DPYSL2: variants seen among roughly 807,000 people sequenced by gnomAD.
DPYSL2 encodes dihydropyrimidinase like 2.
In DPYSL2, 13 loss-of-function variants were observed where a neutral mutation model predicts 69.9. The ratio of observed to expected loss-of-function variants is 0.19; its 90% confidence interval spans 0.12 to 0.30. The LOEUF (loss-of-function observed/expected upper bound fraction) is 0.30. Among genes scored for constraint, DPYSL2 ranks in the 10% least tolerant of loss-of-function variants. The pLI, the probability that DPYSL2 is intolerant of heterozygous loss-of-function variation, is 1.00. For synonymous variants in DPYSL2, 326 were observed against 359.1 expected (o/e 0.91, Z 1.04); for missense variants, 587 against 918.9 (o/e 0.64, Z 4.67).
At chr8:26,608,610 C>G (rs754041777) in intron 3 of DPYSL2, among the ~76,000 whole-genome samples, 1 of 152,174 alleles carries the variant, frequency 6.6e-6, no homozygotes, top group Non-Finnish European at 1.5e-5. Flanking sequence ...ATTAAAAGCT[C>G]CCTGAACAAC....
rs1456223867 is a variant in DPYSL2 at position 26,620,598 on chromosome 8, T to C, written c.629-3545T>C. 6.6e-6 allele frequency among the ~76,000 whole-genome samples: 1 copy of C among 152,166 alleles called. No individual in the cohort carries two copies. Among genetic ancestry groups the C allele is most frequent in the African/African-American group, 2.4e-5 (1 of 41,440 alleles). ...CCCAGGAACAGAACCTGGTATTGTC[T>C]CTCTGTAAAGTATGAGTGAATTTAA... On this transcript the variant is annotated intron_variant, in intron 3 of 13. Coordinates refer to ENST00000521913, the MANE Select transcript of DPYSL2 (RefSeq NM_001197293.3). This position sits in a 1 kb window ranked among gnomAD's most constrained non-coding sequence, Gnocchi z 4.5.
chr8:26,528,471 A>G (rs186590428), intron 1 of DPYSL2, among the ~76,000 whole-genome samples: 20 of 152,014 alleles, frequency 1.3e-4, no homozygotes, highest in South Asian at 4.2e-4. Context: ...ACATGGTGAA[A>G]CCCCATCTCT....
chr8:26,594,430 C>T (rs950168853), intron 3 of DPYSL2, among the ~76,000 whole-genome samples: 18 of 152,030 alleles, frequency 1.2e-4, no homozygotes, highest in Admixed American at 5.2e-4. Flanking sequence ...CAGAAGCTTA[C>T]GAAATGATCG....
intron 1 of DPYSL2, among the ~76,000 whole-genome samples, chr8:26,554,964 C>T (rs562206818): frequency 6.6e-6 from 1 of 152,228 alleles, no homozygotes; most frequent in East Asian, 1.9e-4. Context: ...AGTGGTTCAA[C>T]ATTCAAAATC....
chr8:26,524,634 C>T (rs1352671434), intron 1 of DPYSL2, among the ~76,000 whole-genome samples: 1 of 151,604 alleles, frequency 6.6e-6, no homozygotes, highest in Non-Finnish European at 1.5e-5. Context: ...CCCGTCTCTA[C>T]TAAACATACA....
rs533898670 is a variant in DPYSL2, at chr8:26,640,854, C to T, written c.1127-2585C>T. ...AGCTGTGGCCCAGAAGTCCACTCAGCCTTTGTCTAAAGAGGCAGGTTCTGC... is the reference window on the plus strand; with the variant it reads ...AGCTGTGGCCCAGAAGTCCACTCAGTCTTTGTCTAAAGAGGCAGGTTCTGC... On this transcript the variant is annotated intron_variant, in intron 8 of 13. Coordinates refer to ENST00000521913, the MANE Select transcript of DPYSL2 (RefSeq NM_001197293.3). This position sits in a 1 kb window ranked among gnomAD's most constrained non-coding sequence, Gnocchi z 4.2. 2.0e-4 allele frequency among the ~76,000 whole-genome samples: 31 copies of T among 152,306 alleles called. No homozygotes were observed. In the South Asian group the frequency reaches 3.7e-3, roughly 18 times the overall value.
chr8:26,587,384 C>T lies in DPYSL2; in HGVS notation c.628+3401C>T, dbSNP rs1227260657. On this transcript the variant is annotated intron_variant, in intron 3 of 13. Transcript: ENST00000521913. The surrounding 1 kb of genome is among the most constrained non-coding windows in gnomAD (Gnocchi z 4.2). The stretch of plus-strand genomic sequence containing the variant: ...CCACCCCGCCCCTGGGCACTCCACC[C>T]TCCTGGCTTTCTGGCCTTCTCCAGA... 2.6e-5 allele frequency among the ~76,000 whole-genome samples: 4 copies of T among 152,196 alleles called. No homozygotes were observed. The highest frequency in any genetic ancestry group is 5.9e-5 in the Non-Finnish European group (4 of 68,038).
chr8:26,571,352 A>T lies in DPYSL2; in HGVS notation c.355-10617A>T, dbSNP rs1184383942. Among the ~76,000 whole-genome samples the T allele has an allele frequency of 6.6e-6, 1 of 152,278 alleles. No homozygotes were observed. Among genetic ancestry groups the T allele is most frequent in the African/African-American group, 2.4e-5 (1 of 41,564 alleles). ...ACACCAACGGAAACAAGTGATCTCC[A>T]AGGCCCTGCCCTGGCTTGGAGACCA... On this transcript the variant is annotated intron_variant, in intron 1 of 13. Coordinates refer to ENST00000521913, the MANE Select transcript of DPYSL2 (RefSeq NM_001197293.3). This position sits in a 1 kb window ranked among gnomAD's most constrained non-coding sequence, Gnocchi z 6.1.
chr8:26,642,074 T>G lies in DPYSL2; in HGVS notation c.1127-1365T>G, dbSNP rs960361982. ...TGTGGGGTGGGAGTTAGCCCTGTGC[T>G]GGGGGGAGCTAGTGAGAGATGAATT... On this transcript the variant is annotated intron_variant, in intron 8 of 13. Transcript: ENST00000521913. This position sits in a 1 kb window ranked among gnomAD's most constrained non-coding sequence, Gnocchi z 5.3. 2.0e-5 allele frequency among the ~76,000 whole-genome samples: 3 copies of G among 152,172 alleles called. No homozygotes were observed. Among genetic ancestry groups the G allele is most frequent in the African/African-American group, 4.8e-5 (2 of 41,446 alleles).
At position 26,599,292 on chromosome 8, in the gene DPYSL2, C is replaced by G. The variant is rs142137053; in HGVS notation, c.628+15309C>G. Reference sequence around the variant, plus strand: ...TTCCTGCCTTCTTGACAGAAATCCCCTATTTTTGTGGTCCCCCTGGCAGGT... The same window carrying G: ...TTCCTGCCTTCTTGACAGAAATCCCGTATTTTTGTGGTCCCCCTGGCAGGT... On this transcript the variant is annotated intron_variant, in intron 3 of 13. Coordinates refer to ENST00000521913, the MANE Select transcript of DPYSL2 (RefSeq NM_001197293.3). Among the ~76,000 whole-genome samples, 440 of 152,240 alleles carry G rather than the reference C, an allele frequency of 2.9e-3. 1 individual carries two copies. Among genetic ancestry groups the G allele is most frequent in the African/African-American group, 0.01 (429 of 41,540 alleles).
At position 26,610,209 on chromosome 8, in the gene DPYSL2, C is replaced by T. The variant is rs372768518; in HGVS notation, c.629-13934C>T. Among the ~76,000 whole-genome samples, 3 of 152,284 alleles carry T rather than the reference C, an allele frequency of 2.0e-5. No homozygotes were observed. Among genetic ancestry groups the T allele is most frequent in the South Asian group, 2.1e-4 (1 of 4,832 alleles). ...TGGGATGACATGAAGTCTGTTAATG[C>T]GGGATCGTTTGTGTTATCTGCTCTG... is the stretch of plus-strand genomic sequence containing the variant. On this transcript the variant is annotated intron_variant, in intron 3 of 13. Coordinates refer to ENST00000521913, the MANE Select transcript of DPYSL2 (RefSeq NM_001197293.3). This position sits in a 1 kb window ranked among gnomAD's most constrained non-coding sequence, Gnocchi z 4.5.
chr8:26,569,364 ACAAAAACAAAAAC>A (rs1285137042), intron 1 of DPYSL2, among the ~76,000 whole-genome samples: 14 of 113,238 alleles, frequency 1.2e-4, no homozygotes, highest in South Asian at 5.5e-4. Context: ...CAAAAAAAAA[ACAAAAACAAAAAC>A]AAAAAAAAAC....
Position 26,647,537 on chromosome 8 carries a change from T to A in DPYSL2, c.1426-93T>A. ...CAACGCTCTTGACATCCATCTAAGC[T>A]GTCGTGTGTATCAATAGTTTGTTAT... On this transcript the variant is annotated intron_variant, in intron 10 of 13. Transcript: ENST00000521913. The surrounding 1 kb of genome is among the most constrained non-coding windows in gnomAD (Gnocchi z 5.1). 1 of 1,349,528 alleles carries A rather than the reference T, an allele frequency of 7.4e-7. No individual in the cohort carries two copies. Among genetic ancestry groups the A allele is most frequent in the Non-Finnish European group, 1.0e-6 (1 of 983,598 alleles). The allele number at this position is 1,349,528 out of a possible 1,614,324, so 83.6% of individuals were successfully genotyped here. A position where few individuals can be genotyped will look rare whatever the true frequency, so the allele number is the denominator to read the frequency against.
chr8:26,539,839 C>T (rs1197870197), intron 1 of DPYSL2, among the ~76,000 whole-genome samples: 1 of 152,218 alleles, frequency 6.6e-6, no homozygotes, highest in Non-Finnish European at 1.5e-5. Flanking sequence ...AACACCCTCA[C>T]ACCCACCTGC....
intron 1 of DPYSL2, among the ~76,000 whole-genome samples, chr8:26,556,437 C>T (rs569943571): frequency 1.6e-5 from 2 of 124,488 alleles, no homozygotes; most frequent in Non-Finnish European, 3.2e-5. Flanking sequence ...TAATAAATCC[C>T]GAAGAATCAA....
At chr8:26,541,203 G>A (rs1800680335) in intron 1 of DPYSL2, among the ~76,000 whole-genome samples, 1 of 152,204 alleles carries the variant, frequency 6.6e-6, no homozygotes, top group African/African-American at 2.4e-5. Flanking sequence ...AATATTAGTG[G>A]ATTTCTTGGC....
intron 1 of DPYSL2, among the ~76,000 whole-genome samples, chr8:26,534,370 G>T (rs1035470770): frequency 2.6e-5 from 4 of 151,966 alleles, no homozygotes; most frequent in African/African-American, 9.7e-5. Context: ...TGTTGTCCAG[G>T]CTGGTCTCGA....
In DPYSL2 at chr8:26,536,909, G is replaced by A. The variant is rs141397524; in HGVS notation, c.354+22230G>A. On this transcript the variant is annotated intron_variant, in intron 1 of 13. Coordinates refer to ENST00000521913, the MANE Select transcript of DPYSL2 (RefSeq NM_001197293.3). ...GCAGTGAGAGAATGGTGAGGGTGATGCAAATGAGCTACATCTTGACTCGGC... is the reference window on the plus strand; with the variant it reads ...GCAGTGAGAGAATGGTGAGGGTGATACAAATGAGCTACATCTTGACTCGGC... Among the ~76,000 whole-genome samples the A allele has an allele frequency of 3.4e-3, 515 of 152,242 alleles. 3 individuals carry two copies. Among genetic ancestry groups the A allele is most frequent in the African/African-American group, 0.012 (495 of 41,536 alleles).
intron 1 of DPYSL2, among the ~76,000 whole-genome samples, chr8:26,526,177 C>T (rs896706361): frequency 4.6e-5 from 7 of 152,134 alleles, no homozygotes; most frequent in Non-Finnish European, 1.0e-4. Flanking sequence ...TCACTGCAAC[C>T]GCTGCCTCCT....
Sources: gnomAD v4.1 joint callset for allele counts (sites outside exome capture counted in the v4.1 genomes callset) on GRCh38, gnomAD v4.1.1 for gene constraint, Gnocchi (gnomAD v3.1) non-coding constraint, MANE v1.5 for transcripts, NCBI Gene and HGNC (gene_info 2026-07-23, HGNC 2026-07-21) for gene names.